The following MAP3K20 variants were observed in gnomAD, a reference collection of about 807,000 sequenced individuals.
MAP3K20 encodes mitogen-activated protein kinase kinase kinase 20.
MAP3K20 carries 40 observed loss-of-function variants against 85.7 expected under a neutral mutation model. The ratio of observed to expected loss-of-function variants is 0.47; its 90% CI spans 0.36 to 0.61. The LOEUF (loss-of-function observed/expected upper bound fraction) is 0.61, where lower values mean the gene tolerates loss of function less well. Ranked by LOEUF, MAP3K20 falls within the 20% of genes least tolerant of loss-of-function variation. MAP3K20 has a pLI of 0.00. For missense variants in MAP3K20, 817 were observed against 961.7 expected (o/e 0.85, Z 1.99); for synonymous variants, 325 against 327.7 (o/e 0.99, Z 0.09).
At chr2:173,217,406 A>G (rs1241993123) in intron 11 of MAP3K20, among the ~76,000 whole-genome samples, 156 bp downstream of exon 11, 1 of 152,212 alleles carries the variant, frequency 6.6e-6, no homozygotes, top group Non-Finnish European at 1.5e-5. Flanking sequence ...GGACTCAAGC[A>G]GCGTTCATAC....
intron 2 of MAP3K20, among the ~76,000 whole-genome samples, chr2:173,141,075 G>A (rs910059082): frequency 5.9e-5 from 9 of 151,984 alleles, no homozygotes; most frequent in African/African-American, 1.9e-4. Context: ...AAATCACCTC[G>A]CAACTTACTT....
chr2:173,233,300 C>G (rs764079406), intron 14 of MAP3K20, among the ~76,000 whole-genome samples: 6 of 152,204 alleles, frequency 3.9e-5, no homozygotes, highest in Non-Finnish European at 7.3e-5. Flanking sequence ...TCATTATGAC[C>G]TGGAACAGAC....
intron 8 of MAP3K20, among the ~76,000 whole-genome samples, chr2:173,199,671 T>C (rs1023617242): frequency 3.1e-4 from 47 of 149,926 alleles, no homozygotes; most frequent in Admixed American, 4.6e-4. Context: ...TGTTTTTTTT[T>C]TTTTTTCATT....
chr2:173,095,718 A>G (rs1017332361), intron 2 of MAP3K20, among the ~76,000 whole-genome samples: 1 of 152,226 alleles, frequency 6.6e-6, no homozygotes, highest in Non-Finnish European at 1.5e-5. Flanking sequence ...TGGAAATTAC[A>G]AATTACGTTG....
At chr2:173,112,237 C>T (rs528042412) in intron 2 of MAP3K20, among the ~76,000 whole-genome samples, 1 of 152,214 alleles carries the variant, frequency 6.6e-6, no homozygotes, top group East Asian at 1.9e-4. Context: ...AGAAGAGCTA[C>T]TGATTTGTGT....
At chr2:173,091,592 C>G (rs1193744459) in intron 2 of MAP3K20, among the ~76,000 whole-genome samples, 1 of 152,140 alleles carries the variant, frequency 6.6e-6, no homozygotes, top group African/African-American at 2.4e-5. Flanking sequence ...AACTTCTGGT[C>G]ATCAGCAGTT....
chr2:173,102,372 A>G (rs982462051), intron 2 of MAP3K20, among the ~76,000 whole-genome samples: 2 of 152,144 alleles, frequency 1.3e-5, no homozygotes, highest in Non-Finnish European at 2.9e-5. Flanking sequence ...GTTCTGTTCT[A>G]TAGCAGCTAG....
chr2:173,245,183 G>A (rs1684884782), intron 16 of MAP3K20, among the ~76,000 whole-genome samples: 1 of 152,122 alleles, frequency 6.6e-6, no homozygotes, highest in Non-Finnish European at 1.5e-5. Context: ...CTAAGAGCAA[G>A]CCAGGAAAAT....
chr2:173,230,730 G>A lies in MAP3K20; in HGVS notation c.1032+997G>A, dbSNP rs992303581. On this transcript the variant is annotated intron_variant, in intron 12 of 19. Transcript: ENST00000375213. ...AAAACTCAGAGACTAGGTTGGGCAC[G>A]GTGGCCTGTAATCCCAGCACTTTGG... is the stretch of plus-strand genomic sequence containing the variant. Among the ~76,000 whole-genome samples, 49 of 152,020 alleles carry A rather than the reference G, an allele frequency of 3.2e-4. 1 individual carries two copies. Among genetic ancestry groups the A allele is most frequent in the Admixed American group, 2.5e-3 (38 of 15,250 alleles).
chr2:173,208,939 G>A (rs1415426254), intron 9 of MAP3K20, among the ~76,000 whole-genome samples: 1 of 152,186 alleles, frequency 6.6e-6, no homozygotes, highest in South Asian at 2.1e-4. Context: ...AATAGTTACT[G>A]CCAGCTCAAG....
intron 16 of MAP3K20, among the ~76,000 whole-genome samples, chr2:173,239,828 A>G (rs894358557): frequency 1.3e-5 from 2 of 152,216 alleles, no homozygotes; most frequent in Non-Finnish European, 2.9e-5. Context: ...TTCATAAGAG[A>G]AAGCAGCTTT....
chr2:173,084,911 A>T (rs1353892116), intron 1 of MAP3K20, among the ~76,000 whole-genome samples: 1 of 152,210 alleles, frequency 6.6e-6, no homozygotes, highest in Non-Finnish European at 1.5e-5. Flanking sequence ...GTAGCTAATA[A>T]CAGATCTGCT....
intron 2 of MAP3K20, chr2:173,166,936 G>T (rs1370543861): frequency 8.5e-6 from 1 of 117,728 alleles, no homozygotes; most frequent in Non-Finnish European, 1.7e-5. Context: ...TTTTTGAGAC[G>T]GAGTCTCGCT....
chr2:173,266,728 A>T lies in MAP3K20; in HGVS notation c.2381A>T (p.His794Leu). ...AATAAAGAGAGAGCCAGAGGGGACC[A>T]CCGTGGATGGAGAAACTTTTGATGA... Reference protein sequence around the residue: ...KTNKERARGDHRGWRNF With the variant: ...KTNKERARGDLRGWRNF The change falls in exon 20 of 20, where the codon CAC becomes CTC. Residue 794 changes from histidine (H) to leucine (L), a missense_variant. Around this residue, in one of 4 missense-constraint regions of MAP3K20, gnomAD observed 454 missense variants for 476.9 expected, o/e 0.95. Coordinates refer to ENST00000375213, the MANE Select transcript of MAP3K20 (RefSeq NM_016653.3). 1 of 1,521,700 alleles carries T rather than the reference A, an allele frequency of 6.6e-7. No individual in the cohort carries two copies. 94.3% of individuals were successfully genotyped at this position (1,521,700 alleles called of 1,614,324 possible). A position where few individuals can be genotyped will look rare whatever the true frequency, so the allele number is the denominator to read the frequency against.
intron 9 of MAP3K20, 87 bp from the exon 10 acceptor site, chr2:173,209,638 GTTTA>G: frequency 9.5e-7 from 1 of 1,049,036 alleles, no homozygotes; most frequent in Non-Finnish European, 1.4e-6. Context: ...GGTGGGTTGA[GTTTA>G]TTACTATGCT....
rs986820495 is a variant in MAP3K20, at chr2:173,261,155, G to A, written c.1551+18G>A. 5 of 1,612,428 alleles carry A rather than the reference G, an allele frequency of 3.1e-6. No individual in the cohort carries two copies. In the African/African-American group the frequency reaches 4.0e-5, roughly 13 times the overall value. The stretch of plus-strand genomic sequence containing the variant: ...CATATGAGGTAAGCTCTGGGGGCAA[G>A]AGGCTGGTGGCCTCACCATCAGTTA... On this transcript the variant is annotated intron_variant, in intron 18 of 19. Coordinates refer to ENST00000375213, the MANE Select transcript of MAP3K20 (RefSeq NM_016653.3).
At chr2:173,097,794 G>A (rs1418785797) in intron 2 of MAP3K20, among the ~76,000 whole-genome samples, 1 of 152,048 alleles carries the variant, frequency 6.6e-6, no homozygotes, top group Non-Finnish European at 1.5e-5. Flanking sequence ...TTATATAAAG[G>A]GGAAAATACC....
chr2:173,137,147 G>A (rs777165730), intron 2 of MAP3K20, among the ~76,000 whole-genome samples: 1 of 152,178 alleles, frequency 6.6e-6, no homozygotes, highest in East Asian at 1.9e-4. Flanking sequence ...TGTAGCTGGC[G>A]AGTGTTAAAG....
At chr2:173,110,116 T>C (rs2106171537) in intron 2 of MAP3K20, among the ~76,000 whole-genome samples, 1 of 147,262 alleles carries the variant, frequency 6.8e-6, no homozygotes, top group South Asian at 2.1e-4. Flanking sequence ...TAAGTAAAAT[T>C]ATCTTTTTAA....
Sources: allele counts gnomAD v4.1 joint callset (sites outside exome capture counted in the v4.1 genomes callset), GRCh38; gene constraint gnomAD v4.1.1; regional missense constraint gnomAD v4.1.1; transcripts MANE v1.5; gene names NCBI Gene and HGNC (gene_info 2026-07-23, HGNC 2026-07-21).